CCDC125: variants seen among roughly 807,000 people sequenced by gnomAD.
CCDC125 encodes the protein coiled-coil domain-containing protein 125.
CCDC125 carries 43 observed loss-of-function variants against 57.4 expected under a neutral mutation model. That is an observed-to-expected ratio of 0.75 (90% CI 0.59 to 0.97). The LOEUF (loss-of-function observed/expected upper bound fraction) is 0.97, where lower values mean the gene tolerates loss of function less well. Ranked by LOEUF, CCDC125 falls within the 50% of genes least tolerant of loss-of-function variation. The pLI, the probability that CCDC125 is intolerant of heterozygous loss-of-function variation, is 0.00. For missense variants in CCDC125, 563 were observed against 595.7 expected, an observed-to-expected ratio of 0.95 and a Z score of 0.57; for synonymous variants, 187 against 195.2, an observed-to-expected ratio of 0.96 and a Z score of 0.35.
intron 7 of CCDC125, among the ~76,000 whole-genome samples, chr5:69,302,903 A>G (rs1161666370): frequency 2.0e-5 from 3 of 152,214 alleles, no homozygotes; most frequent in Admixed American, 6.5e-5. Context: ...AAAACTAAAT[A>G]AAAAGGAGAA....
intron 10 of CCDC125, among the ~76,000 whole-genome samples, chr5:69,288,642 C>T (rs1753895143): frequency 6.6e-6 from 1 of 152,168 alleles, no homozygotes; most frequent in Admixed American, 6.5e-5. Context: ...TGTGAGGCAT[C>T]CTAGCAAATC....
chr5:69,320,909 A>G (rs1233771918), intron 1 of CCDC125, among the ~76,000 whole-genome samples: 1 of 152,120 alleles, frequency 6.6e-6, no homozygotes, highest in Non-Finnish European at 1.5e-5. Context: ...CATTATGCTA[A>G]GTGTAATACG....
intron 2 of CCDC125, among the ~76,000 whole-genome samples, chr5:69,317,492 G>A (rs544825350): frequency 6.6e-6 from 1 of 151,890 alleles, no homozygotes; most frequent in Non-Finnish European, 1.5e-5. Context: ...GAGCTACCAC[G>A]TATTTTTGTA....
intron 10 of CCDC125, among the ~76,000 whole-genome samples, chr5:69,287,602 C>T (rs1327792943): frequency 1.3e-5 from 2 of 151,116 alleles, no homozygotes; most frequent in Non-Finnish European, 2.9e-5. Flanking sequence ...CAGGGTCTTG[C>T]TCCATCACCC....
At chr5:69,286,188 C>CCATATA (rs1491467969) in intron 10 of CCDC125, among the ~76,000 whole-genome samples, 3 of 51,332 alleles carry the variant, frequency 5.8e-5, no homozygotes, top group African/African-American at 7.9e-5. Flanking sequence ...AAATGGTAAA[C>CCATATA]TATATATATA....
intron 9 of CCDC125, 78 bp from the exon 10 acceptor site, chr5:69,292,440 A>G: frequency 9.4e-7 from 1 of 1,058,458 alleles, no homozygotes; most frequent in Non-Finnish European, 1.4e-6. Context: ...TCAAATTAAC[A>G]TATGCAATCT....
At chr5:69,331,364 C>G (rs1286602283) in intron 1 of CCDC125, among the ~76,000 whole-genome samples, 1 of 151,636 alleles carries the variant, frequency 6.6e-6, no homozygotes, top group Non-Finnish European at 1.5e-5. Flanking sequence ...TCCCCAGTAG[C>G]GGAGATTACA....
At chr5:69,323,346 G>A (rs1414416114) in intron 1 of CCDC125, among the ~76,000 whole-genome samples, 1 of 151,862 alleles carries the variant, frequency 6.6e-6, no homozygotes, top group African/African-American at 2.4e-5. Flanking sequence ...AATCAAAAAG[G>A]TATCATATTT....
intron 7 of CCDC125, among the ~76,000 whole-genome samples, chr5:69,303,167 G>C (rs1467498697): frequency 1.3e-5 from 2 of 152,084 alleles, no homozygotes; most frequent in African/African-American, 4.8e-5. Context: ...CTACAGGCCA[G>C]TGCCACCACA....
At chr5:69,300,153 T>A in intron 7 of CCDC125, 26 bp from the exon 8 acceptor site, 1 of 1,542,478 alleles carries the variant, frequency 6.5e-7, no homozygotes, top group Non-Finnish European at 9.0e-7. Context: ...TGAGAAAGTA[T>A]TCATTATGAA....
At chr5:69,287,263 ATTT>A (rs11331460) in intron 10 of CCDC125, among the ~76,000 whole-genome samples, 2 of 141,002 alleles carry the variant, frequency 1.4e-5, no homozygotes, top group African/African-American at 2.6e-5. Flanking sequence ...AGATTAATCA[ATTT>A]TTTTTTTTTT....
chr5:69,291,259 TA>T (rs1223211419), intron 10 of CCDC125, among the ~76,000 whole-genome samples: 1 of 152,190 alleles, frequency 6.6e-6, no homozygotes, highest in African/African-American at 2.4e-5. Flanking sequence ...AACAGATTTC[TA>T]AAAAATAACA....
intron 5 of CCDC125, among the ~76,000 whole-genome samples, chr5:69,307,434 G>A (rs986186814): frequency 6.6e-6 from 1 of 152,104 alleles, no homozygotes; most frequent in East Asian, 1.9e-4. Flanking sequence ...TGTAATCCCA[G>A]CACTTTGGGA....
intron 10 of CCDC125, among the ~76,000 whole-genome samples, chr5:69,288,641 T>C (rs1280827165): frequency 1.3e-5 from 2 of 152,176 alleles, no homozygotes; most frequent in African/African-American, 4.8e-5. Flanking sequence ...CTGTGAGGCA[T>C]CCTAGCAAAT....
At chr5:69,280,157 C>T (rs1205041603), downstream of CCDC125, 2 of 152,150 alleles carry the variant, frequency 1.3e-5, no homozygotes, top group East Asian at 3.9e-4. Flanking sequence ...ATCAGGTAGT[C>T]AAGGAAATGA....
chr5:69,290,864 A>G (rs1230031593), intron 10 of CCDC125, among the ~76,000 whole-genome samples: 1 of 151,616 alleles, frequency 6.6e-6, no homozygotes, highest in Non-Finnish European at 1.5e-5. Context: ...TCCTGACCTC[A>G]AATGATCCAC....
chr5:69,309,261 A>C (rs1757787889), intron 4 of CCDC125: 1 of 152,244 alleles, frequency 6.6e-6, no homozygotes, highest in African/African-American at 2.4e-5. Context: ...GGCATGTCAG[A>C]GACCTTTGCA....
chr5:69,283,136 A>C, intron 11 of CCDC125, 102 bp from the exon 12 acceptor site: 1 of 865,982 alleles, frequency 1.2e-6, no homozygotes, highest in Non-Finnish European at 1.7e-6. Context: ...TTCAACCCTA[A>C]TATTCATACT....
At position 69,306,881 on chromosome 5, in the gene CCDC125, C is replaced by A; in HGVS notation, c.553G>T (p.Glu185Ter). 1 of 1,516,282 alleles carries A rather than the reference C, an allele frequency of 6.6e-7. No individual in the cohort carries two copies. Among genetic ancestry groups the A allele is most frequent in the Non-Finnish European group, 8.8e-7 (1 of 1,137,582 alleles). The allele number at this position is 1,516,282 out of a possible 1,614,324, so 93.9% of individuals were successfully genotyped here. The change falls in exon 6 of 12, where the codon GAA becomes TAA. Residue 185 changes from glutamate to a stop codon, truncating the protein, a stop_gained. Transcript: ENST00000396496. LOFTEE classifies it high-confidence loss of function. ...AATCTATTATGATCAAATTCTATTTCCCACTGCAAGGCATTTATTTCCTAT... is the reference window on the plus strand; with the variant it reads ...AATCTATTATGATCAAATTCTATTTACCACTGCAAGGCATTTATTTCCTAT... ...LEKEINALQW[E>*]IEFDHNRFKN...
Sources: gnomAD v4.1 joint callset for allele counts (sites outside exome capture counted in the v4.1 genomes callset) on GRCh38, gnomAD v4.1.1 for gene constraint, MANE v1.5 for transcripts, NCBI Gene and HGNC (gene_info 2026-07-23, HGNC 2026-07-21) for gene names.